The following MYO7A variants were observed in gnomAD, a reference collection of about 807,000 sequenced individuals.
The protein encoded by MYO7A is myosin VIIA, also known as unconventional myosin-VIIa.
MYO7A carries 210 observed loss-of-function variants against 263.8 expected under a neutral mutation model. The observed-to-expected ratio is 0.80, with a 90% CI of 0.71 to 0.89. MYO7A has a LOEUF of 0.89. MYO7A is among the 40% of genes least tolerant of loss of function. The pLI is 0.00. For missense variants in MYO7A, 2,820 were observed against 2,968.3 expected, an observed-to-expected ratio of 0.95 and a Z score of 1.16; for synonymous variants, 1,239 against 1,197.3, an observed-to-expected ratio of 1.03 and a Z score of -0.72.
chr11:77,214,327 A>G lies in MYO7A; in HGVS notation c.6559-280A>G, dbSNP rs112836176. 0.033 allele frequency among the ~76,000 whole-genome samples: 5,011 copies of G among 152,280 alleles called. 161 individuals are homozygous for G. The highest frequency in any genetic ancestry group is 0.083 in the African/African-American group (3,440 of 41,540). The stretch of plus-strand genomic sequence containing the variant: ...GCTCAAACTTCCAAGGCATAGCTCA[A>G]CTGAGAGCCAGTAGGGTCACTCTTG... On this transcript the variant is annotated intron_variant, in intron 48 of 48. Transcript: ENST00000409709.
chr11:77,152,240 A>G (rs1165336701), intron 4 of MYO7A, among the ~76,000 whole-genome samples: 7 of 152,218 alleles, frequency 4.6e-5, no homozygotes, highest in African/African-American at 1.7e-4. Flanking sequence ...TTTTTTCTGC[A>G]CAGATGGTAG....
intron 46 of MYO7A, chr11:77,212,649 CGAG>C (rs914048479): frequency 1.9e-5 from 9 of 466,436 alleles, no homozygotes; most frequent in African/African-American, 3.9e-5. Context: ...CTTGGCTGTG[CGAG>C]GAGAACAGGT....
chr11:77,180,448 G>A lies in MYO7A; in HGVS notation c.2661G>A (p.Lys887=). ...AGCTTCGGAAGGAGATGAGCGCCAA[G>A]AAGGCCAAGGAGGAGGCCGAGCGCA... The part of the protein sequence containing the change: ...EEKLRKEMSA[K]KAKEEAERKH... The change falls in exon 22 of 49, where the codon AAG becomes AAA. Residue 887 remains lysine, a synonymous_variant. Transcript: ENST00000409709. 1.2e-6 allele frequency: 2 copies of A among 1,612,498 alleles called. No individual in the cohort carries two copies. The highest frequency in any genetic ancestry group is 1.7e-6 in the Non-Finnish European group (2 of 1,179,780).
At chr11:77,207,768 G>A (rs1328481474) in intron 42 of MYO7A, among the ~76,000 whole-genome samples, 1 of 152,208 alleles carries the variant, frequency 6.6e-6, no homozygotes, top group African/African-American at 2.4e-5. Context: ...ATCCCCACTT[G>A]ATAGATCACA....
At chr11:77,134,489 C>T (rs1555046866) in intron 2 of MYO7A, among the ~76,000 whole-genome samples, 1 of 151,934 alleles carries the variant, frequency 6.6e-6, no homozygotes, top group African/African-American at 2.4e-5. Flanking sequence ...TGGAGTCTTA[C>T]TGTGTTGCCC....
chr11:77,140,729 T>C (rs782156686), intron 2 of MYO7A, among the ~76,000 whole-genome samples: 4 of 152,174 alleles, frequency 2.6e-5, no homozygotes, highest in Non-Finnish European at 4.4e-5. Context: ...GTGAGGATTA[T>C]ATGGGGCAGT....
At chr11:77,212,723 T>C in intron 46 of MYO7A, 1 of 588,902 alleles carries the variant, frequency 1.7e-6, no homozygotes, top group South Asian at 2.1e-5. Context: ...GCCCTTGGGC[T>C]GAGAGGGAGG....
intron 20 of MYO7A, 53 bp from the exon 21 acceptor site, chr11:77,179,682 G>T (rs1026728498): frequency 6.0e-5 from 87 of 1,459,392 alleles, no homozygotes; most frequent in South Asian, 1.3e-4. Flanking sequence ...TGCAGGCAGG[G>T]TCAGTCTGGA....
In MYO7A at chr11:77,179,952, A is replaced by G; in HGVS notation, c.2585A>G (p.Glu862Gly). 2 of 1,519,938 alleles carry G rather than the reference A, an allele frequency of 1.3e-6. No individual in the cohort carries two copies. Among genetic ancestry groups the G allele is most frequent in the Non-Finnish European group, 1.8e-6 (2 of 1,133,282 alleles). 94.2% of individuals were successfully genotyped at this position (1,519,938 alleles called of 1,614,324 possible). A position where few individuals can be genotyped will look rare whatever the true frequency, so the allele number is the denominator to read the frequency against. ...ARRLHQRLRA[E>G]YLWRLEAEKM... ...AGGCTGCACCAACGCCTCAGGGCTG[A>G]GGTGAGGGAGCAAGTCCATAGCACC... The change falls in exon 21 of 49, where the codon GAG becomes GGG. Residue 862 changes from glutamate to glycine, a missense_variant and splice_region_variant. Physicochemically the swap from Glu to Gly is moderately conservative, Grantham distance 98. Transcript: ENST00000409709.
chr11:77,149,273 C>G (rs1167347208), intron 4 of MYO7A, among the ~76,000 whole-genome samples: 1 of 152,200 alleles, frequency 6.6e-6, no homozygotes, highest in Non-Finnish European at 1.5e-5. Context: ...TCTCGAGACC[C>G]AGGCCCAGGG....
intron 4 of MYO7A, among the ~76,000 whole-genome samples, chr11:77,153,401 A>G (rs1252681654): frequency 6.6e-6 from 1 of 152,134 alleles, no homozygotes; most frequent in Non-Finnish European, 1.5e-5. Context: ...GAGTAGGGAC[A>G]TCAGGAGGCT....
In MYO7A at chr11:77,190,791, A is replaced by T. The variant is rs1449911850; in HGVS notation, c.3845A>T (p.Glu1282Val). The part of the protein sequence containing the change: ...LLTDSATTAK[E>V]LCNALADKIS... ...ACGGACTCGGCAACCACGGCCAAGG[A>T]GCTCTGCAACGCGCTGGCCGACAAG... The change falls in exon 30 of 49, where the codon GAG becomes GTG. Residue 1282 changes from glutamate (E) to valine (V), a missense_variant. Coordinates refer to ENST00000409709, the MANE Select transcript of MYO7A (RefSeq NM_000260.4). 6.3e-7 allele frequency: 1 copy of T among 1,594,786 alleles called. No individual in the cohort carries two copies. The highest frequency in any genetic ancestry group is 8.5e-7 in the Non-Finnish European group (1 of 1,171,626).
At chr11:77,166,925 G>A (rs1341694412) in intron 15 of MYO7A, among the ~76,000 whole-genome samples, 1 of 152,110 alleles carries the variant, frequency 6.6e-6, no homozygotes, top group Non-Finnish European at 1.5e-5. Flanking sequence ...CCTGCACCGT[G>A]GTTCCTGTTG....
At chr11:77,129,498 G>T (rs1950702380) in intron 1 of MYO7A, among the ~76,000 whole-genome samples, 1 of 152,172 alleles carries the variant, frequency 6.6e-6, no homozygotes, top group African/African-American at 2.4e-5. Context: ...GGCTGGGGCT[G>T]CCTTTTAAGC....
chr11:77,208,916 C>G (rs917268740), intron 44 of MYO7A, 113 bp downstream of exon 44: 12 of 829,870 alleles, frequency 1.4e-5, no homozygotes, highest in Non-Finnish European at 2.3e-5. Flanking sequence ...ACCAGCCTGG[C>G]CTCAAAGGGA....
At chr11:77,194,154 C>T (rs1371258827) in intron 31 of MYO7A, 200 bp from the exon 32 acceptor site, 2 of 723,278 alleles carry the variant, frequency 2.8e-6, no homozygotes, top group African/African-American at 3.5e-5. Flanking sequence ...GAGGGTGTGG[C>T]CCTGCCCTTG....
chr11:77,198,501 G>T lies in MYO7A; in HGVS notation c.4448G>T (p.Ser1483Ile). 1 of 1,613,800 alleles carries T rather than the reference G, an allele frequency of 6.2e-7. No individual in the cohort carries two copies. The change falls in exon 34 of 49, where the codon AGT (serine) becomes ATT (isoleucine). Residue 1483 changes from serine (S) to isoleucine (I), a missense_variant. Transcript: ENST00000409709. ...TGCCTTGGTCTCGTCCCAGGCCCCA[G>T]TCTCCCCAAGAACGACGTCATCGTG... is the stretch of plus-strand genomic sequence containing the variant. ...FYEAYKFSGP[S>I]LPKNDVIVAV... is the part of the protein sequence containing the mutation.
In MYO7A at chr11:77,182,671, T is replaced by G. The variant is rs1955345203; in HGVS notation, c.3285+71T>G. Reference sequence around the variant, plus strand: ...AGGAGGGCCGCTGGCATCACCAGCCTTGGGCTCCTCTGCAGAAAAAGGATC... The same window carrying G: ...AGGAGGGCCGCTGGCATCACCAGCCGTGGGCTCCTCTGCAGAAAAAGGATC... On this transcript the variant is annotated intron_variant, in intron 25 of 48. Coordinates refer to ENST00000409709, the MANE Select transcript of MYO7A (RefSeq NM_000260.4). The G allele has an allele frequency of 9.8e-6, 15 of 1,523,710 alleles. No homozygotes were observed. In the East Asian group the frequency reaches 3.4e-4, roughly 35 times the overall value. 94.4% of individuals were successfully genotyped at this position (1,523,710 alleles called of 1,614,324 possible). A position where few individuals can be genotyped will look rare whatever the true frequency, so the allele number is the denominator to read the frequency against.
Position 77,208,452 on chromosome 11 carries a change from A to T in MYO7A, c.5879A>T (p.Asp1960Val), listed in dbSNP as rs1387553850. The part of the protein sequence containing the change: ...ADKVLSVPEN[D>V]FFFDFVRHLT... ...CAGGTCCTCAGCGTTCCTGAGAATG[A>T]CTTCTTCTTTGACTTTGTTCGACAC... The change falls in exon 43 of 49, where the codon GAC becomes GTC. Residue 1960 changes from aspartate to valine, a missense_variant. Physicochemically the swap from Asp to Val is radical, Grantham distance 152. Transcript: ENST00000409709. 6.2e-6 allele frequency: 10 copies of T among 1,613,408 alleles called. No individual in the cohort carries two copies. The East Asian group carries it at 1.6e-4, about 25-fold the overall frequency.
Sources: allele counts gnomAD v4.1 joint callset (sites outside exome capture counted in the v4.1 genomes callset), GRCh38; gene constraint gnomAD v4.1.1; transcripts MANE v1.5; gene names NCBI Gene and HGNC (gene_info 2026-07-23, HGNC 2026-07-21).